DPY19L3: variants seen among roughly 807,000 people sequenced by gnomAD.
DPY19L3 encodes the protein dpy-19 like C-mannosyltransferase 3.
In DPY19L3, 51 loss-of-function variants were observed where a neutral mutation model predicts 92.3. The observed-to-expected ratio is 0.55, with a 90% CI of 0.44 to 0.70. The LOEUF is 0.70. Among genes scored for constraint, DPY19L3 ranks in the 30% least tolerant of loss-of-function variants. The pLI is 0.00. For synonymous variants in DPY19L3, 309 were observed against 315.2 expected (o/e 0.98, Z 0.21); for missense variants, 706 against 855.9 (o/e 0.82, Z 2.18).
intron 16 of DPY19L3, among the ~76,000 whole-genome samples, chr19:32,471,408 G>A (rs1970354075): frequency 6.6e-6 from 1 of 152,188 alleles, no homozygotes; most frequent in Non-Finnish European, 1.5e-5. Context: ...ATCGGACAGG[G>A]GCACAGCCTC....
At chr19:32,451,097 A>T (rs1953945393) in intron 8 of DPY19L3, among the ~76,000 whole-genome samples, 1 of 152,194 alleles carries the variant, frequency 6.6e-6, no homozygotes, top group Non-Finnish European at 1.5e-5. Flanking sequence ...CCTGAAAAAA[A>T]TTTTTAAAGA....
chr19:32,415,335 A>G (rs2145411741), intron 3 of DPY19L3, among the ~76,000 whole-genome samples: 1 of 152,332 alleles, frequency 6.6e-6, no homozygotes, highest in South Asian at 2.1e-4. Context: ...AGAGTTAACC[A>G]GGCAAGTTGG....
Position 32,458,432 on chromosome 19 carries a change from T to G in DPY19L3, c.1245T>G (p.Thr415=). Residue 415 remains threonine, a synonymous_variant, in exon 12 of 19, where the codon ACT becomes ACG. Transcript: ENST00000392250. ...PFNTFGRLSD[T]LLFYAYIFVL... ...ATACATTTGGAAGGCTTTCAGATAC[T>G]CTGCTTTTTTATGCTTACATATTCG... 1 of 1,613,954 alleles carries G rather than the reference T, an allele frequency of 6.2e-7. No individual in the cohort carries two copies. The highest frequency in any genetic ancestry group is 1.7e-4 in the Middle Eastern group (1 of 6,060).
At chr19:32,464,418 T>A (rs548595142) in intron 14 of DPY19L3, among the ~76,000 whole-genome samples, 73 of 152,362 alleles carry the variant, frequency 4.8e-4, no homozygotes, top group African/African-American at 1.5e-3. Flanking sequence ...TGCAGATATC[T>A]TACAAATGAT....
chr19:32,457,958 A>T, intron 10 of DPY19L3, 142 bp from the exon 11 acceptor site: 1 of 640,264 alleles, frequency 1.6e-6, no homozygotes, highest in Non-Finnish European at 2.7e-6. Flanking sequence ...CAGTTCTGAG[A>T]ACTACTGTGA....
chr19:32,423,842 C>A (rs903566450), intron 3 of DPY19L3, among the ~76,000 whole-genome samples: 3 of 151,106 alleles, frequency 2.0e-5, no homozygotes, highest in Non-Finnish European at 3.0e-5. Flanking sequence ...TGGTGAAACC[C>A]CATCTCTAAA....
chr19:32,457,973 T>G, intron 10 of DPY19L3, 127 bp from the exon 11 acceptor site: 3 of 686,058 alleles, frequency 4.4e-6, no homozygotes, highest in East Asian at 2.7e-5. Context: ...CTGTGAACAT[T>G]TACTGATTTT....
chr19:32,482,127 C>A lies in DPY19L3; in HGVS notation c.2038C>A (p.His680Asn). ...ENDPDLKPAD[H>N]PRFCEEIKRN... ...TGATCCTGATTTGAAACCTGCAGAC[C>A]ACCCTCGCTTCTGTGAAGAGATCAA... The change falls in exon 19 of 19, where the codon CAC becomes AAC. Residue 680 changes from histidine to asparagine, a missense_variant. Transcript: ENST00000392250. 6.2e-7 allele frequency: 1 copy of A among 1,613,766 alleles called. No homozygotes were observed. Among genetic ancestry groups the A allele is most frequent in the East Asian group, 2.2e-5 (1 of 44,846 alleles).
intron 3 of DPY19L3, among the ~76,000 whole-genome samples, chr19:32,421,576 C>T (rs1968567585): frequency 1.4e-5 from 2 of 147,452 alleles, no homozygotes; most frequent in South Asian, 4.2e-4. Flanking sequence ...TGCAGTGAGT[C>T]GAGATTGCAC....
chr19:32,467,340 G>A (rs1016804849), intron 15 of DPY19L3: 8 of 685,886 alleles, frequency 1.2e-5, no homozygotes, highest in Non-Finnish European at 1.4e-5. Context: ...TGTTTATACT[G>A]TAAGAATTAG....
chr19:32,449,184 A>G (rs1454114097), intron 8 of DPY19L3, among the ~76,000 whole-genome samples: 2 of 152,256 alleles, frequency 1.3e-5, no homozygotes, highest in African/African-American at 4.8e-5. Flanking sequence ...AAAGAAGAGC[A>G]TCAAAAAGGG....
At chr19:32,419,622 C>T (rs1968497135) in intron 3 of DPY19L3, among the ~76,000 whole-genome samples, 1 of 151,856 alleles carries the variant, frequency 6.6e-6, no homozygotes, top group African/African-American at 2.4e-5. Context: ...TTTGTAGAGA[C>T]AGAGTCTCAC....
At chr19:32,436,983 G>A (rs145615004) in intron 5 of DPY19L3, among the ~76,000 whole-genome samples, 168 of 151,748 alleles carry the variant, frequency 1.1e-3, no homozygotes, top group Non-Finnish European at 1.8e-3. Flanking sequence ...AGTGAAGCCA[G>A]ACCTGTCACG....
chr19:32,447,775 A>AGATAGATAGATAGATAGATT (rs1237623603), intron 8 of DPY19L3, among the ~76,000 whole-genome samples: 5 of 127,006 alleles, frequency 3.9e-5, no homozygotes, highest in African/African-American at 1.3e-4. Flanking sequence ...ATAGATAGAT[A>AGATAGATAGATAGATAGATT]GATTAGATAA....
At chr19:32,423,484 C>T (rs546607731) in intron 3 of DPY19L3, among the ~76,000 whole-genome samples, 9 of 147,606 alleles carry the variant, frequency 6.1e-5, no homozygotes, top group African/African-American at 1.3e-4. Context: ...AGGCTGGTCT[C>T]GAACTCCTGA....
At chr19:32,479,617 C>T (rs1275956002) in intron 17 of DPY19L3, 3 of 438,498 alleles carry the variant, frequency 6.8e-6, no homozygotes, top group East Asian at 8.0e-5. Flanking sequence ...ATCTAGCACT[C>T]GAAATCAGGG....
rs1270254947 is a variant in DPY19L3 at position 32,405,813 on chromosome 19, C to CGGCGCGCTGCGGCCCGT, written c.-127_-111dup. On this transcript the variant is annotated 5_prime_UTR_variant, in exon 1 of 19. Transcript: ENST00000392250. ...GGCGGTTCTGCCCTCCTTGTACCCG[C>CGGCGCGCTGCGGCCCGT]GGCGCGCTGCGGCCCGTGGCGCGGC... is the stretch of plus-strand genomic sequence containing the variant. 1 of 152,214 alleles carries CGGCGCGCTGCGGCCCGT rather than the reference C, an allele frequency of 6.6e-6. No homozygotes were observed. The highest frequency in any genetic ancestry group is 6.5e-5 in the Admixed American group (1 of 15,286). 9.4% of individuals were successfully genotyped at this position (152,214 alleles called of 1,614,324 possible). A position where few individuals can be genotyped will look rare whatever the true frequency, so the allele number is the denominator to read the frequency against.
intron 2 of DPY19L3, 127 bp downstream of exon 2, chr19:32,408,483 T>C (rs1968061141): frequency 1.6e-6 from 1 of 638,946 alleles, no homozygotes; most frequent in African/African-American, 1.8e-5. Flanking sequence ...ACCCTGATAT[T>C]CTAATTGCAA....
At chr19:32,406,768 C>G (rs1967969362) in intron 1 of DPY19L3, among the ~76,000 whole-genome samples, 2 of 152,088 alleles carry the variant, frequency 1.3e-5, no homozygotes, top group South Asian at 4.1e-4. Flanking sequence ...TGTTGCAGTG[C>G]CTGACACATA....
Sources: allele counts gnomAD v4.1 joint callset (sites outside exome capture counted in the v4.1 genomes callset), GRCh38; gene constraint gnomAD v4.1.1; transcripts MANE v1.5; gene names NCBI Gene and HGNC (gene_info 2026-07-23, HGNC 2026-07-21).